ZBBX: variants seen among roughly 807,000 people sequenced by gnomAD.
ZBBX encodes the protein zinc finger B-box domain-containing protein 1.
A neutral mutation model predicts 108.5 loss-of-function variants in ZBBX; 101 were observed. The ratio of observed to expected loss-of-function variants is 0.93; its 90% CI spans 0.79 to 1.10. The LOEUF is 1.10. Among genes scored for constraint, ZBBX ranks in the 50% least tolerant of loss-of-function variants. The pLI, the probability that ZBBX is intolerant of heterozygous loss-of-function variation, is 0.00. For missense variants in ZBBX, 1,009 were observed against 941.4 expected, an observed-to-expected ratio of 1.07 and a Z score of -0.94; for synonymous variants, 356 against 323.4, an observed-to-expected ratio of 1.10 and a Z score of -1.08.
chr3:167,300,765 C>T (rs1172264909), intron 17 of ZBBX, among the ~76,000 whole-genome samples: 1 of 151,810 alleles, frequency 6.6e-6, no homozygotes, highest in Admixed American at 6.6e-5. Context: ...TTACAGGCAC[C>T]TGCCACCACG....
intron 12 of ZBBX, 146 bp from the exon 13 acceptor site, chr3:167,317,743 C>G (rs971571962): frequency 2.0e-6 from 1 of 503,110 alleles, no homozygotes. Context: ...AAGATAAGTA[C>G]AATTGTATAA....
intron 17 of ZBBX, among the ~76,000 whole-genome samples, chr3:167,305,327 G>A (rs1733432493): frequency 6.6e-6 from 1 of 152,014 alleles, no homozygotes; most frequent in Admixed American, 6.6e-5. Context: ...TTATTATACT[G>A]TATTATTCAT....
chr3:167,308,541 C>T (rs1734056312), intron 16 of ZBBX, among the ~76,000 whole-genome samples: 1 of 152,072 alleles, frequency 6.6e-6, no homozygotes, highest in Non-Finnish European at 1.5e-5. Flanking sequence ...TATAATAGCA[C>T]AGACAGGGAA....
At chr3:167,256,424 T>G (rs1430720306) in intron 20 of ZBBX, among the ~76,000 whole-genome samples, 1 of 152,128 alleles carries the variant, frequency 6.6e-6, no homozygotes, top group African/African-American at 2.4e-5. Flanking sequence ...GGAGTATCCA[T>G]CCCTTCAAGC....
intron 6 of ZBBX, among the ~76,000 whole-genome samples, chr3:167,364,668 T>C (rs1745059293): frequency 1.3e-5 from 2 of 152,032 alleles, no homozygotes; most frequent in Admixed American, 1.3e-4. Flanking sequence ...AGCGAAACTG[T>C]TGACTGGTAT....
chr3:167,366,980 G>A, intron 5 of ZBBX: 3 of 452,814 alleles, frequency 6.6e-6, no homozygotes, highest in Middle Eastern at 3.3e-4. Flanking sequence ...ATTAGAGGGG[G>A]TATGTATATA....
intron 20 of ZBBX, among the ~76,000 whole-genome samples, chr3:167,265,649 G>A (rs1170314310): frequency 6.6e-6 from 1 of 152,178 alleles, no homozygotes; most frequent in Admixed American, 6.5e-5. Flanking sequence ...CCTAGCACTA[G>A]CTGCTGCCTA....
intron 8 of ZBBX, among the ~76,000 whole-genome samples, chr3:167,350,974 G>C (rs1742542312): frequency 1.3e-5 from 2 of 151,794 alleles, no homozygotes; most frequent in Admixed American, 1.3e-4. Context: ...AGTTTCAAGT[G>C]ATATGCATAC....
upstream of ZBBX, chr3:167,380,410 G>T (rs1214404365): frequency 1.3e-5 from 2 of 151,806 alleles, no homozygotes; most frequent in African/African-American, 4.9e-5. Flanking sequence ...AGGAGCCTGC[G>T]AAATGAGAGA....
At chr3:167,403,989 AC>A (rs769174119) in intron 1 of ZBBX, among the ~76,000 whole-genome samples, 9 of 152,156 alleles carry the variant, frequency 5.9e-5, no homozygotes, top group Non-Finnish European at 8.8e-5. Flanking sequence ...AAATGACTAC[AC>A]ATTCTGAAGA....
At chr3:167,262,845 C>A (rs544320642) in intron 20 of ZBBX, among the ~76,000 whole-genome samples, 2 of 151,968 alleles carry the variant, frequency 1.3e-5, no homozygotes, top group African/African-American at 4.8e-5. Flanking sequence ...CTATTTGGCT[C>A]TTCTCTCATT....
At chr3:167,324,548 A>G (rs1354198376) in intron 11 of ZBBX, among the ~76,000 whole-genome samples, 2 of 152,094 alleles carry the variant, frequency 1.3e-5, no homozygotes, top group Non-Finnish European at 1.5e-5. Context: ...TTCTTCTACT[A>G]TAGGTAAAAC....
the ZBBX span, among the ~76,000 whole-genome samples, chr3:167,218,770 C>T: frequency 2.6e-5 from 4 of 152,098 alleles, no homozygotes; most frequent in African/African-American, 7.2e-5. Context: ...AGATTAAGTT[C>T]TCAATTACCA....
intron 9 of ZBBX, among the ~76,000 whole-genome samples, chr3:167,344,301 T>G (rs1329571149): frequency 2.0e-5 from 3 of 151,892 alleles, no homozygotes; most frequent in Non-Finnish European, 4.4e-5. Flanking sequence ...ATAGTTTCAC[T>G]TAGCAGTAAC....
intron 20 of ZBBX, among the ~76,000 whole-genome samples, chr3:167,257,636 T>A (rs553908916): frequency 6.6e-6 from 1 of 152,230 alleles, no homozygotes; most frequent in South Asian, 2.1e-4. Context: ...TCAATTGAAA[T>A]GATCATATGG....
intron 18 of ZBBX, among the ~76,000 whole-genome samples, chr3:167,290,932 T>G (rs983693144): frequency 1.3e-5 from 2 of 151,926 alleles, no homozygotes; most frequent in Admixed American, 1.3e-4. Flanking sequence ...AATAGCTGAA[T>G]AGATCAAGCG....
intron 20 of ZBBX, among the ~76,000 whole-genome samples, chr3:167,269,501 T>A (rs189829688): frequency 4.9e-4 from 74 of 152,282 alleles, no homozygotes; most frequent in African/African-American, 1.8e-3. Context: ...AGATGAGAAA[T>A]GTATTCACTC....
At chr3:167,236,869 A>T (rs956588958), downstream of ZBBX, among the ~76,000 whole-genome samples, 2 of 151,846 alleles carry the variant, frequency 1.3e-5, no homozygotes, top group Non-Finnish European at 2.9e-5. Flanking sequence ...TTATGAAGCA[A>T]AAGGCAGGAT....
chr3:167,399,062 C>G (rs1489631395), intron 1 of ZBBX, among the ~76,000 whole-genome samples: 1 of 150,776 alleles, frequency 6.6e-6, no homozygotes. Context: ...GAGTCCCCAC[C>G]ACCAAGAAGG....
Sources: allele counts gnomAD v4.1 joint callset (sites outside exome capture counted in the v4.1 genomes callset), GRCh38; gene constraint gnomAD v4.1.1; transcripts MANE v1.5; gene names NCBI Gene and HGNC (gene_info 2026-07-23, HGNC 2026-07-21).